Variants in ZBTB48 observed in about 807,000 individuals in gnomAD.
ZBTB48 encodes zinc finger and BTB domain-containing protein 48.
A neutral mutation model predicts 64.5 loss-of-function variants in ZBTB48; 35 were observed. That is an observed-to-expected ratio of 0.54 (90% confidence interval 0.41 to 0.72). The LOEUF (loss-of-function observed/expected upper bound fraction) is 0.72. Ranked by LOEUF, ZBTB48 falls within the 30% of genes least tolerant of loss-of-function variation. The pLI is 0.00. For synonymous variants in ZBTB48, 442 were observed against 356.7 expected, an observed-to-expected ratio of 1.24 and a Z score of -2.70; for missense variants, 828 against 895.3, an observed-to-expected ratio of 0.92 and a Z score of 0.96.
Position 6,588,202 on chromosome 1 carries a change from G to C in ZBTB48, c.1516+6G>C, listed in dbSNP as rs1175377548. ...CAAGACCTTCCGAACCCAAGGTGAGGTACGCCCTGCCCCTCCCCTCGCCTC... is the reference window on the plus strand; with the variant it reads ...CAAGACCTTCCGAACCCAAGGTGAGCTACGCCCTGCCCCTCCCCTCGCCTC... On this transcript the variant is annotated splice_donor_region_variant and intron_variant, in intron 8 of 10. Transcript: ENST00000377674. 2 of 1,614,002 alleles carry C rather than the reference G, an allele frequency of 1.2e-6. No individual in the cohort carries two copies. Among genetic ancestry groups the C allele is most frequent in the Non-Finnish European group, 1.7e-6 (2 of 1,180,016 alleles).
intron 4 of ZBTB48, 101 bp downstream of exon 4, chr1:6,586,131 C>T (rs1029431234): frequency 8.3e-7 from 1 of 1,201,502 alleles, no homozygotes; most frequent in African/African-American, 1.5e-5. Context: ...GAGAGGGGTA[C>T]TGTAAACTCA....
chr1:6,584,656 C>T lies in ZBTB48; in HGVS notation c.933-1263C>T, dbSNP rs559013689. On this transcript the variant is annotated intron_variant, in intron 3 of 10. Coordinates refer to ENST00000377674, the MANE Select transcript of ZBTB48 (RefSeq NM_005341.4). The surrounding 1 kb of genome is among the most constrained non-coding windows in gnomAD (Gnocchi z 4.5). ...CAGCCTGTGTACTGCTGGATGCTTG[C>T]TTTCAAGTACTCTGCTGGGGTAAGA... Among the ~76,000 whole-genome samples the T allele has an allele frequency of 6.6e-6, 1 of 152,350 alleles. No homozygotes were observed. Among genetic ancestry groups the T allele is most frequent in the African/African-American group, 2.4e-5 (1 of 41,588 alleles).
chr1:6,583,957 T>G (rs967018527), intron 3 of ZBTB48, among the ~76,000 whole-genome samples: 2 of 151,954 alleles, frequency 1.3e-5, no homozygotes, highest in Admixed American at 1.3e-4. Context: ...TTTTTTTGTG[T>G]GTGTTTAGTA....
In ZBTB48 at chr1:6,581,257, C is replaced by T. The variant is rs747889904; in HGVS notation, c.648C>T (p.Pro216=). The change falls in exon 2 of 11, where the codon CCC becomes CCT. Residue 216 remains proline (P), a synonymous_variant. Transcript: ENST00000377674. ...KPEDCKVPPR[P]LEAEGAQLQG... ...AGGACTGCAAAGTGCCCCCAAGGCC[C>T]TTAGAGGCTGAAGGTGCCCAGCTGC... The T allele has an allele frequency of 6.2e-7, 1 of 1,610,966 alleles. No individual in the cohort carries two copies. Among genetic ancestry groups the T allele is most frequent in the Admixed American group, 1.7e-5 (1 of 59,676 alleles).
chr1:6,586,566 T>TCCCACCCTAGCGTC (rs1640674447), intron 4 of ZBTB48, 129 bp from the exon 5 acceptor site: 5 of 1,419,934 alleles, frequency 3.5e-6, no homozygotes, highest in Non-Finnish European at 4.6e-6. Flanking sequence ...TGTTGCCCTC[T>TCCCACCCTAGCGTC]CCCACCCTAG....
At chr1:6,583,386 C>T (rs1252433646) in intron 3 of ZBTB48, among the ~76,000 whole-genome samples, 2 of 148,524 alleles carry the variant, frequency 1.3e-5, no homozygotes, top group Admixed American at 1.3e-4. Flanking sequence ...CTGCAACCTC[C>T]GCCTCCTGGG....
intron 2 of ZBTB48, among the ~76,000 whole-genome samples, chr1:6,581,725 G>T (rs933281421): frequency 6.6e-6 from 1 of 152,146 alleles, no homozygotes; most frequent in Non-Finnish European, 1.5e-5. Flanking sequence ...TTTGGAACAG[G>T]CTTTCTCCAA....
At chr1:6,588,245 GC>G in intron 8 of ZBTB48, 32 bp from the exon 9 acceptor site, 1 of 1,611,574 alleles carries the variant, frequency 6.2e-7, no homozygotes, top group South Asian at 1.1e-5. Context: ...TGAGGCCAAG[GC>G]CACAGGCTGA....
rs375275280 is a variant in ZBTB48 at position 6,584,506 on chromosome 1, G to A, written c.933-1413G>A. 5.9e-5 allele frequency among the ~76,000 whole-genome samples: 9 copies of A among 152,218 alleles called. No individual in the cohort carries two copies. The highest frequency in any genetic ancestry group is 4.1e-4 in the South Asian group (2 of 4,834). On this transcript the variant is annotated intron_variant, in intron 3 of 10. Coordinates refer to ENST00000377674, the MANE Select transcript of ZBTB48 (RefSeq NM_005341.4). The surrounding 1 kb of genome is among the most constrained non-coding windows in gnomAD (Gnocchi z 4.5). Reference sequence around the variant, plus strand: ...GTTTTCTTGCCATGCCAGGTTGGGCGGCACACTAGTAATCACCTAGAATGG... The same window carrying A: ...GTTTTCTTGCCATGCCAGGTTGGGCAGCACACTAGTAATCACCTAGAATGG...
rs1640667767 is a variant in ZBTB48, at chr1:6,586,385, G to A, written c.1045-310G>A. On this transcript the variant is annotated intron_variant, in intron 4 of 10. Transcript: ENST00000377674. ...ACCCCACTGCTGGCTTCTGTGTCAGGGCCCGCCGAAACCCAGGCCCACTCT... is the reference window on the plus strand; with the variant it reads ...ACCCCACTGCTGGCTTCTGTGTCAGAGCCCGCCGAAACCCAGGCCCACTCT... 5 of 503,548 alleles carry A rather than the reference G, an allele frequency of 9.9e-6. No homozygotes were observed. In the East Asian group the frequency reaches 1.4e-4, roughly 14 times the overall value. The allele number at this position is 503,548 out of a possible 1,614,324, so 31.2% of individuals were successfully genotyped here.
intron 6 of ZBTB48, 66 bp downstream of exon 6, chr1:6,587,357 G>C (rs1570175475): frequency 1.2e-6 from 2 of 1,610,732 alleles, no homozygotes; most frequent in East Asian, 2.2e-5. Flanking sequence ...TGTGCCCAGA[G>C]TGGGCAGCCG....
Position 6,586,740 on chromosome 1 carries a change from G to A in ZBTB48, c.1090G>A (p.Glu364Lys). 1.9e-6 allele frequency: 3 copies of A among 1,590,922 alleles called. No individual in the cohort carries two copies. The highest frequency in any genetic ancestry group is 2.6e-6 in the Non-Finnish European group (3 of 1,166,860). The change falls in exon 5 of 11, where the codon GAG (glutamate) becomes AAG (lysine). Residue 364 changes from glutamate (E) to lysine (K), a missense_variant. By Grantham distance (56) the Glu-to-Lys change is moderately conservative (BLOSUM62 1). Coordinates refer to ENST00000377674, the MANE Select transcript of ZBTB48 (RefSeq NM_005341.4). Reference sequence around the variant, plus strand: ...CCAGGAGACATTCCGCCGAAGGATGGAGCTGCGGGTGCACATGGTGTCTCA... The same window carrying A: ...CCAGGAGACATTCCGCCGAAGGATGAAGCTGCGGGTGCACATGGTGTCTCA... ...VCQETFRRRM[E>K]LRVHMVSHTG...
rs1640371784 is a variant in ZBTB48, at chr1:6,580,098, AG to A, written c.-103del. 2 of 189,462 alleles carry A rather than the reference AG, an allele frequency of 1.1e-5. No homozygotes were observed. Among genetic ancestry groups the A allele is most frequent in the Non-Finnish European group, 2.2e-5 (2 of 89,978 alleles). The allele number at this position is 189,462 out of a possible 1,614,324, so 11.7% of individuals were successfully genotyped here. ...TCGTGGGCTGTGGAGGCGACGGAGC[AG>A]GGGGCCAGTGGGGCCAGCTCAGGGA... On this transcript the variant is annotated 5_prime_UTR_variant, in exon 1 of 11. Transcript: ENST00000377674. This position sits in a 1 kb window ranked among gnomAD's most constrained non-coding sequence, Gnocchi z 5.2.
Position 6,581,011 on chromosome 1 carries a change from C to T in ZBTB48, c.402C>T (p.Ala134=). The T allele has an allele frequency of 6.2e-7, 1 of 1,613,446 alleles. No individual in the cohort carries two copies. Among genetic ancestry groups the T allele is most frequent in the South Asian group, 1.1e-5 (1 of 91,086 alleles). Reference sequence around the variant, plus strand: ...GCCAGAGTGGGCTGGGGCCCCCTGCCTCCCAGAATGTGAACAGCCACGTCA... The same window carrying T: ...GCCAGAGTGGGCTGGGGCCCCCTGCTTCCCAGAATGTGAACAGCCACGTCA... The part of the protein sequence containing the change: ...AGGQSGLGPP[A]SQNVNSHVKE... The change falls in exon 2 of 11, where the codon GCC becomes GCT. Residue 134 remains alanine (A), a synonymous_variant. Coordinates refer to ENST00000377674, the MANE Select transcript of ZBTB48 (RefSeq NM_005341.4).
intron 3 of ZBTB48, 89 bp downstream of exon 3, chr1:6,582,388 A>AGGGGCT (rs987313842): frequency 3.3e-6 from 5 of 1,524,966 alleles, no homozygotes; most frequent in Non-Finnish European, 4.5e-6. Context: ...TGGGTGAGGT[A>AGGGGCT]GGGGCTGGGG....
At chr1:6,588,635 C>T in intron 9 of ZBTB48, 121 bp from the exon 10 acceptor site, 2 of 1,478,220 alleles carry the variant, frequency 1.4e-6, no homozygotes, top group Non-Finnish European at 1.8e-6. Flanking sequence ...CCTGGCAGGG[C>T]CTGTGCAGCA....
Position 6,580,469 on chromosome 1 carries a change from C to T in ZBTB48, c.-69-72C>T, listed in dbSNP as rs2148682154. On this transcript the variant is annotated intron_variant, in intron 1 of 10. Coordinates refer to ENST00000377674, the MANE Select transcript of ZBTB48 (RefSeq NM_005341.4). The surrounding 1 kb of genome is among the most constrained non-coding windows in gnomAD (Gnocchi z 5.2). ...CTCCGCGTGCACCCCTCACCCTGAC[C>T]CAAGCCCTCGTGCTGATAAATATGA... 2.2e-6 allele frequency: 2 copies of T among 899,366 alleles called. No individual in the cohort carries two copies. The highest frequency in any genetic ancestry group is 3.3e-6 in the Non-Finnish European group (2 of 603,672). The allele number at this position is 899,366 out of a possible 1,614,324, so 55.7% of individuals were successfully genotyped here. A position where few individuals can be genotyped will look rare whatever the true frequency, so the allele number is the denominator to read the frequency against.
At position 6,580,522 on chromosome 1, in the gene ZBTB48, T is replaced by C; in HGVS notation, c.-69-19T>C. 1 of 1,400,826 alleles carries C rather than the reference T, an allele frequency of 7.1e-7. No individual in the cohort carries two copies. The highest frequency in any genetic ancestry group is 9.7e-7 in the Non-Finnish European group (1 of 1,031,298). 86.8% of individuals were successfully genotyped at this position (1,400,826 alleles called of 1,614,324 possible). A position where few individuals can be genotyped will look rare whatever the true frequency, so the allele number is the denominator to read the frequency against. ...ATTTGAGTAGAGGCCAACTTCCCGTTTCTCTCTCTTGACTCCAGGAGCTTT... is the reference window on the plus strand; with the variant it reads ...ATTTGAGTAGAGGCCAACTTCCCGTCTCTCTCTCTTGACTCCAGGAGCTTT... On this transcript the variant is annotated intron_variant, in intron 1 of 10. Coordinates refer to ENST00000377674, the MANE Select transcript of ZBTB48 (RefSeq NM_005341.4). The surrounding 1 kb of genome is among the most constrained non-coding windows in gnomAD (Gnocchi z 5.2).
chr1:6,582,079 G>A lies in ZBTB48; in HGVS notation c.712G>A (p.Glu238Lys). ...CTAGTGGGAAGTGGTGGTTCAAGTG[G>A]AGGATGATGGGGATGGCGATTACAT... ...SNEWEVVVQV[E>K]DDGDGDYMSE... Residue 238 changes from glutamate (E) to lysine (K), a missense_variant, in exon 3 of 11, where the codon GAG (glutamate) becomes AAG (lysine). Transcript: ENST00000377674. 6.2e-7 allele frequency: 1 copy of A among 1,614,140 alleles called. No homozygotes were observed. The highest frequency in any genetic ancestry group is 8.5e-7 in the Non-Finnish European group (1 of 1,180,002).
Sources: gnomAD v4.1 joint callset for allele counts (sites outside exome capture counted in the v4.1 genomes callset) on GRCh38, gnomAD v4.1.1 for gene constraint, Gnocchi (gnomAD v3.1) non-coding constraint, MANE v1.5 for transcripts, NCBI Gene and HGNC (gene_info 2026-07-23, HGNC 2026-07-21) for gene names.